TLN1: variants seen among roughly 807,000 people sequenced by gnomAD.
TLN1 encodes talin-1.
A neutral mutation model predicts 292.3 loss-of-function variants in TLN1; 56 were observed. That is an observed-to-expected ratio of 0.19 (90% CI 0.15 to 0.24). The LOEUF (loss-of-function observed/expected upper bound fraction) is 0.24, where lower values mean the gene tolerates loss of function less well. Among genes scored for constraint, TLN1 ranks in the 10% least tolerant of loss-of-function variants. The pLI, the probability that TLN1 is intolerant of heterozygous loss-of-function variation, is 1.00. For missense variants in TLN1, 2,433 were observed against 3,248.2 expected (o/e 0.75, Z 6.10); for synonymous variants, 1,119 against 1,253.7 (o/e 0.89, Z 2.27).
Position 35,719,630 on chromosome 9 carries a change from G to C in TLN1, c.1579-3C>G. The C allele has an allele frequency of 6.2e-7, 1 of 1,613,982 alleles. No individual in the cohort carries two copies. The highest frequency in any genetic ancestry group is 1.1e-5 in the South Asian group (1 of 91,080). ...TTTTTACGCCAGGCCTTAGAGGCCT[G>C]AAAGAGAGAGGAAAAGCCTTCAGGA... On this transcript the variant is annotated splice_region_variant and splice_polypyrimidine_tract_variant and intron_variant, in intron 14 of 56. Coordinates refer to ENST00000314888, the MANE Select transcript of TLN1 (RefSeq NM_006289.4). The surrounding 1 kb of genome is among the most constrained non-coding windows in gnomAD (Gnocchi z 4.6).
Position 35,719,821 on chromosome 9 carries a change from A to T in TLN1, c.1497T>A (p.Ile499=), listed in dbSNP as rs767161796. The change falls in exon 14 of 57, where the codon ATT becomes ATA. Residue 499 remains isoleucine, a synonymous_variant. Coordinates refer to ENST00000314888, the MANE Select transcript of TLN1 (RefSeq NM_006289.4). This position sits in a 1 kb window ranked among gnomAD's most constrained non-coding sequence, Gnocchi z 4.6. ...TSAQQALTGT[I]NSSMQAVQAA... ...CCTGCACGGCCTGCATGCTGGAGTT[A>T]ATGGTTCCAGTGAGTGCCTGCTGGG... The T allele has an allele frequency of 4.6e-5, 74 of 1,596,406 alleles. No individual in the cohort carries two copies. The highest frequency in any genetic ancestry group is 5.9e-5 in the Non-Finnish European group (69 of 1,171,200).
intron 10 of TLN1, 136 bp from the exon 11 acceptor site, chr9:35,721,049 T>C (rs1825871778): frequency 1.6e-6 from 1 of 613,200 alleles, no homozygotes; most frequent in Non-Finnish European, 2.9e-6. Flanking sequence ...TGCCCACCTT[T>C]CTTGAACCTC....
At position 35,697,584 on chromosome 9, in the gene TLN1, T is replaced by G; in HGVS notation, c.*207A>C. On this transcript the variant is annotated 3_prime_UTR_variant, in exon 57 of 57. Transcript: ENST00000314888. ...TAATACTCTGGGGAGGGGCAGGCACTTGGGGGGCCCTAGGGCATGAAGGCA... is the reference window on the plus strand; with the variant it reads ...TAATACTCTGGGGAGGGGCAGGCACGTGGGGGGCCCTAGGGCATGAAGGCA... The G allele has an allele frequency of 3.1e-6, 2 of 639,390 alleles. No homozygotes were observed. Among genetic ancestry groups the G allele is most frequent in the Non-Finnish European group, 5.3e-6 (2 of 377,198 alleles). 39.6% of individuals were successfully genotyped at this position (639,390 alleles called of 1,614,324 possible).
rs992700686 is a variant in TLN1, at chr9:35,697,532, G to T, written c.*259C>A. On this transcript the variant is annotated 3_prime_UTR_variant, in exon 57 of 57. Transcript: ENST00000314888. ...CCCGGCAGATTCAGATCGAGGTACA[G>T]CAGCGTTAATAATACTCTTGGAGCG... The T allele has an allele frequency of 6.0e-6, 3 of 502,196 alleles. No homozygotes were observed. The highest frequency in any genetic ancestry group is 1.0e-5 in the Non-Finnish European group (3 of 286,002). The allele number at this position is 502,196 out of a possible 1,614,324, so 31.1% of individuals were successfully genotyped here.
At chr9:35,722,947 A>G (rs1411898657) in intron 7 of TLN1, 26 bp from the exon 8 acceptor site, 1 of 1,611,754 alleles carries the variant, frequency 6.2e-7, no homozygotes, top group African/African-American at 1.3e-5. Flanking sequence ...GAGGGTCAGC[A>G]TGTGGTAGAC....
Position 35,719,370 on chromosome 9 carries a change from C to T in TLN1, c.1688-88G>A. ...GGGAGCAAAGTCACACCCAGTTAGT[C>T]ACACACATGTCCACAGAAAGACGCA... is the stretch of plus-strand genomic sequence containing the variant. On this transcript the variant is annotated intron_variant, in intron 15 of 56. Transcript: ENST00000314888. The surrounding 1 kb of genome is among the most constrained non-coding windows in gnomAD (Gnocchi z 4.6). 7.1e-7 allele frequency: 1 copy of T among 1,398,876 alleles called. No individual in the cohort carries two copies. The highest frequency in any genetic ancestry group is 1.0e-6 in the Non-Finnish European group (1 of 994,454). 86.7% of individuals were successfully genotyped at this position (1,398,876 alleles called of 1,614,324 possible).
chr9:35,724,800 C>G lies in TLN1; in HGVS notation c.358+30G>C, dbSNP rs755805043. On this transcript the variant is annotated intron_variant, in intron 4 of 56. Transcript: ENST00000314888. This position sits in a 1 kb window ranked among gnomAD's most constrained non-coding sequence, Gnocchi z 4.7. Reference sequence around the variant, plus strand: ...TTGAGAGAGTTGAGGCTTTCTGGCCCAGGCTTTCAACTGTACTAGGGCCCC... The same window carrying G: ...TTGAGAGAGTTGAGGCTTTCTGGCCGAGGCTTTCAACTGTACTAGGGCCCC... 1.2e-6 allele frequency: 2 copies of G among 1,613,582 alleles called. No individual in the cohort carries two copies. Among genetic ancestry groups the G allele is most frequent in the African/African-American group, 2.7e-5 (2 of 74,864 alleles).
rs1040886850 is a variant in TLN1 at position 35,707,840 on chromosome 9, C to G, written c.4523G>C (p.Ser1508Thr). 2 of 1,614,172 alleles carry G rather than the reference C, an allele frequency of 1.2e-6. No individual in the cohort carries two copies. Among genetic ancestry groups the G allele is most frequent in the South Asian group, 1.1e-5 (1 of 91,082 alleles). The change falls in exon 35 of 57, where the codon AGC becomes ACC. Residue 1508 changes from serine to threonine, a missense_variant. Coordinates refer to ENST00000314888, the MANE Select transcript of TLN1 (RefSeq NM_006289.4). The surrounding 1 kb of genome is among the most constrained non-coding windows in gnomAD (Gnocchi z 5.6). ...VAKHTSALCN[S>T]CRLASARTTN... ...GGTACGGGCAGAAGCCAGGCGACAG[C>G]TGTTACACAGTGCAGAGGTGTGTTT... is the stretch of plus-strand genomic sequence containing the variant.
Position 35,708,491 on chromosome 9 carries a change from A to G in TLN1, c.4327-7T>C, listed in dbSNP as rs1461278926. On this transcript the variant is annotated splice_polypyrimidine_tract_variant and splice_region_variant and intron_variant, in intron 33 of 56. Transcript: ENST00000314888. ...CACCAACCAGATATGCAGCCTGGGA[A>G]GAGAAAAGGGGGTGGGGGTGAGGAA... is the stretch of plus-strand genomic sequence containing the variant. 4.5e-6 allele frequency: 7 copies of G among 1,565,200 alleles called. No individual in the cohort carries two copies. In the South Asian group the frequency reaches 7.0e-5, roughly 16 times the overall value.
chr9:35,710,881 G>T lies in TLN1; in HGVS notation c.4119C>A (p.Val1373=). 1 of 1,614,182 alleles carries T rather than the reference G, an allele frequency of 6.2e-7. No homozygotes were observed. The highest frequency in any genetic ancestry group is 1.1e-5 in the South Asian group (1 of 91,074). ...GGACTGGGTTCTCCAGGAGTTCCCG[G>T]ACCGTCTGTGTAGGGGGAGGGCAAA... ...CDNALRELET[V]RELLENPVQP... The change falls in exon 32 of 57, where the codon GTC becomes GTA. Residue 1373 remains valine (V), a synonymous_variant. Transcript: ENST00000314888.
Position 35,707,007 on chromosome 9 carries a change from T to C in TLN1, c.4955+65A>G, listed in dbSNP as rs1345425586. 5 of 1,608,418 alleles carry C rather than the reference T, an allele frequency of 3.1e-6. No homozygotes were observed. The highest frequency in any genetic ancestry group is 1.3e-5 in the African/African-American group (1 of 74,528). ...ACCATCCCATCTCATTGCACTCAAG[T>C]GCCCATCCTCCATTCTGCCACAATG... On this transcript the variant is annotated intron_variant, in intron 37 of 56. Coordinates refer to ENST00000314888, the MANE Select transcript of TLN1 (RefSeq NM_006289.4). This position sits in a 1 kb window ranked among gnomAD's most constrained non-coding sequence, Gnocchi z 5.6.
chr9:35,704,149 C>G lies in TLN1; in HGVS notation c.6073G>C (p.Val2025Leu), dbSNP rs770989007. 1.9e-6 allele frequency: 3 copies of G among 1,606,246 alleles called. No homozygotes were observed. The highest frequency in any genetic ancestry group is 2.6e-6 in the Non-Finnish European group (3 of 1,175,616). ...AGGACCTTGGTGTCCTCCACCAGCA[C>G]CTTCGCAGTCTTCAGGATGCCCTCC... The part of the protein sequence containing the change: ...HREGILKTAK[V>L]LVEDTKVLVQ... Residue 2025 changes from valine to leucine, a missense_variant, in exon 46 of 57, where the codon GTG becomes CTG. Val to Leu is a conservative substitution (Grantham distance 32). This residue lies in a region of TLN1 where 1,384 missense variants were observed against 1,699.6 expected (regional missense o/e 0.81). Transcript: ENST00000314888. This position sits in a 1 kb window ranked among gnomAD's most constrained non-coding sequence, Gnocchi z 6.9.
intron 27 of TLN1, 78 bp downstream of exon 27, chr9:35,712,757 A>G: frequency 7.5e-7 from 1 of 1,336,136 alleles, no homozygotes; most frequent in Non-Finnish European, 1.0e-6. Context: ...GACGAGGCTC[A>G]GAAGCTTTGG....
At chr9:35,705,465 AGAGAG>A in intron 43 of TLN1, 81 bp downstream of exon 43, 1 of 1,360,954 alleles carries the variant, frequency 7.3e-7, no homozygotes, top group Admixed American at 2.3e-5. Context: ...ATGAAAGACC[AGAGAG>A]GGTGGGGGTG....
chr9:35,698,056 G>A lies in TLN1; in HGVS notation c.7488C>T (p.Gly2496=), dbSNP rs377714782. The A allele has an allele frequency of 1.2e-5, 20 of 1,613,978 alleles. No individual in the cohort carries two copies. In the East Asian group the frequency reaches 2.2e-4, roughly 18 times the overall value. ...GGGTGAAGCTCACCTGGGCAATGCCGCCAACCATCTTCTCTTTCACCACCA... is the reference window on the plus strand; with the variant it reads ...GGGTGAAGCTCACCTGGGCAATGCCACCAACCATCTTCTCTTTCACCACCA... ...ETVVVKEKMV[G]GIAQIIAAQE... The change falls in exon 56 of 57, where the codon GGC becomes GGT. Residue 2496 remains glycine (G), a synonymous_variant. Transcript: ENST00000314888. The surrounding 1 kb of genome is among the most constrained non-coding windows in gnomAD (Gnocchi z 5.3).
intron 1 of TLN1, among the ~76,000 whole-genome samples, chr9:35,728,260 T>C (rs979697519): frequency 5.3e-5 from 8 of 152,210 alleles, no homozygotes; most frequent in East Asian, 1.9e-4. Context: ...ACAAGGGGAA[T>C]TGCAGAAAGA....
Position 35,714,584 on chromosome 9 carries a change from C to G in TLN1, c.2975G>C (p.Ser992Thr). 6.2e-7 allele frequency: 1 copy of G among 1,610,802 alleles called. No homozygotes were observed. Among genetic ancestry groups the G allele is most frequent in the Non-Finnish European group, 8.5e-7 (1 of 1,180,002 alleles). The change falls in exon 23 of 57, where the codon AGC becomes ACC. Residue 992 changes from serine (S) to threonine (T), a missense_variant. Transcript: ENST00000314888. The surrounding 1 kb of genome is among the most constrained non-coding windows in gnomAD (Gnocchi z 4.6). ...GAGGGGGTGCCTTGCCTGCAGGAAG[C>G]TCTGGCTGGCAGCAATGAGGGCAAG... ...AQLALIAASQ[S>T]FLQPGGKMVA...
Position 35,714,074 on chromosome 9 carries a change from T to G in TLN1, c.3128A>C (p.Glu1043Ala). The change falls in exon 25 of 57, where the codon GAA becomes GCA. Residue 1043 changes from glutamate (E) to alanine (A), a missense_variant. Transcript: ENST00000314888. This position sits in a 1 kb window ranked among gnomAD's most constrained non-coding sequence, Gnocchi z 4.6. ...ATCCATCTCCAAAGGTCCACATGCT[T>G]CCTGAGCCTATGATAAGAAAGGGGT... ...ELRTAAQKAQ[E>A]ACGPLEMDSA... 6.2e-7 allele frequency: 1 copy of G among 1,614,104 alleles called. No individual in the cohort carries two copies. The highest frequency in any genetic ancestry group is 1.1e-5 in the South Asian group (1 of 91,088).
chr9:35,722,600 G>A (rs1052375445), intron 8 of TLN1, among the ~76,000 whole-genome samples: 1 of 152,134 alleles, frequency 6.6e-6, no homozygotes, highest in Non-Finnish European at 1.5e-5. Flanking sequence ...TCCTACACGG[G>A]GCAAGTACTG....
Sources: allele counts gnomAD v4.1 joint callset (sites outside exome capture counted in the v4.1 genomes callset), GRCh38; gene constraint gnomAD v4.1.1; regional missense constraint gnomAD v4.1.1; non-coding constraint Gnocchi (gnomAD v3.1); transcripts MANE v1.5; gene names NCBI Gene and HGNC (gene_info 2026-07-23, HGNC 2026-07-21).